The following TMEM14B variants were observed in gnomAD, a reference collection of about 807,000 sequenced individuals.
TMEM14B encodes the protein transmembrane protein 14B.
A neutral mutation model predicts 14.8 loss-of-function variants in TMEM14B; 9 were observed. That is an observed-to-expected ratio of 0.61 (90% CI 0.37 to 1.06). The LOEUF is 1.06. Ranked by LOEUF, TMEM14B falls within the 50% of genes least tolerant of loss-of-function variation. The probability of loss-of-function intolerance (pLI) is 0.01; values close to 1 mark genes in which losing one functional copy is unlikely to be tolerated. For synonymous variants in TMEM14B, 40 were observed against 51.3 expected (o/e 0.78, Z 0.94); for missense variants, 128 against 143.6 (o/e 0.89, Z 0.56).
At chr6:10,749,722 C>A in intron 3 of TMEM14B, 24 bp downstream of exon 3, 1 of 1,612,496 alleles carries the variant, frequency 6.2e-7, no homozygotes, top group Non-Finnish European at 8.5e-7. Flanking sequence ...GTTACTTAGC[C>A]TCTTAACATC....
chr6:10,751,089 A>ACTAATGTAATGT (rs1165104337), intron 3 of TMEM14B, 44 bp from the exon 4 acceptor site: 76 of 1,609,834 alleles, frequency 4.7e-5, no homozygotes, highest in Non-Finnish European at 6.2e-5. Flanking sequence ...TTAGTGAAAT[A>ACTAATGTAATGT]AGTGCCTGAC....
chr6:10,752,155 C>T (rs796244390), intron 4 of TMEM14B, among the ~76,000 whole-genome samples: 3 of 152,140 alleles, frequency 2.0e-5, no homozygotes, highest in African/African-American at 7.2e-5. Context: ...CTTGAGCCTG[C>T]ATTTTCCCTT....
downstream of TMEM14B, among the ~76,000 whole-genome samples, chr6:10,757,947 C>T (rs577705350): frequency 2.5e-4 from 38 of 151,186 alleles, no homozygotes; most frequent in Admixed American, 1.6e-3. Flanking sequence ...GCCGAGATCA[C>T]GCCACTGCAC....
rs114919154 is a variant in TMEM14B, at chr6:10,748,568, A to G, written c.-44-634A>G. Among the ~76,000 whole-genome samples, 895 of 152,328 alleles carry G rather than the reference A, an allele frequency of 5.9e-3. 9 individuals carry two copies. Among genetic ancestry groups the G allele is most frequent in the African/African-American group, 0.021 (858 of 41,588 alleles). The stretch of plus-strand genomic sequence containing the variant: ...TTGCCTGGCCTAATTCTTTAAACAG[A>G]ATAAACGGCGTATGCATTGCTTTCC... On this transcript the variant is annotated intron_variant, in intron 1 of 5. Coordinates refer to ENST00000379542, the MANE Select transcript of TMEM14B (RefSeq NM_030969.5).
intron 5 of TMEM14B, chr6:10,755,765 G>A: frequency 1.5e-6 from 1 of 677,242 alleles, no homozygotes. Flanking sequence ...GACCAGCCTG[G>A]CCAACATGGT....
rs748535386 is a variant in TMEM14B, at chr6:10,751,112, G to A, written c.101-21G>A. The stretch of plus-strand genomic sequence containing the variant: ...ATAAGTGCCTGACATTACAATGCAA[G>A]CTGCGTTTGCTTCCTTCTAGGCAGC... On this transcript the variant is annotated intron_variant, in intron 3 of 5. Coordinates refer to ENST00000379542, the MANE Select transcript of TMEM14B (RefSeq NM_030969.5). 80 of 1,612,516 alleles carry A rather than the reference G, an allele frequency of 5.0e-5. 1 individual carries two copies. The highest frequency in any genetic ancestry group is 2.8e-4 in the Admixed American group (17 of 59,926).
At chr6:10,759,636 G>T (rs1276235895), downstream of TMEM14B, 2 of 152,128 alleles carry the variant, frequency 1.3e-5, no homozygotes, top group East Asian at 1.9e-4. Flanking sequence ...TCTGTAAAGG[G>T]CCAGATAGTG....
In TMEM14B at chr6:10,749,255, C is replaced by G; in HGVS notation, c.10C>G (p.Pro4Ala). ...GACTGAGAAGAGAAGAATGGAGAAG[C>G]CCCTCTTCCCATTGTGAGTAGACAG... Reference protein sequence around the residue: MEKPLFPLVPLHWF... With the variant: MEKALFPLVPLHWF... Residue 4 changes from proline to alanine, a missense_variant, in exon 2 of 6, where the codon CCC becomes GCC. Transcript: ENST00000379542. 6.2e-7 allele frequency: 1 copy of G among 1,614,168 alleles called. No individual in the cohort carries two copies. The highest frequency in any genetic ancestry group is 8.5e-7 in the Non-Finnish European group (1 of 1,180,008).
downstream of TMEM14B, among the ~76,000 whole-genome samples, chr6:10,758,748 G>A (rs978187203): frequency 6.6e-6 from 1 of 152,090 alleles, no homozygotes. Flanking sequence ...CTTGTCAGTT[G>A]ATGCATGAAT....
downstream of TMEM14B, among the ~76,000 whole-genome samples, chr6:10,758,027 C>G (rs1771864806): frequency 6.6e-6 from 1 of 152,036 alleles, no homozygotes; most frequent in Non-Finnish European, 1.5e-5. Context: ...CTGATTTACC[C>G]TAACTGATAC....
At chr6:10,748,453 A>G (rs1771415468) in intron 1 of TMEM14B, among the ~76,000 whole-genome samples, 1 of 152,094 alleles carries the variant, frequency 6.6e-6, no homozygotes, top group South Asian at 2.1e-4. Context: ...GGGTTTCACC[A>G]TGTTGACCAA....
intron 4 of TMEM14B, among the ~76,000 whole-genome samples, chr6:10,753,217 CAA>C (rs2127495771): frequency 6.6e-6 from 1 of 152,192 alleles, no homozygotes; most frequent in African/African-American, 2.4e-5. Flanking sequence ...GCCTGGGCAA[CAA>C]GAGCGAAACT....
chr6:10,755,036 C>A, intron 4 of TMEM14B, 106 bp from the exon 5 acceptor site: 1 of 1,199,178 alleles, frequency 8.3e-7, no homozygotes, highest in South Asian at 1.4e-5. Context: ...GAGGAATAAG[C>A]ATAGGATGAG....
chr6:10,751,333 T>A, intron 4 of TMEM14B, 99 bp downstream of exon 4: 2 of 1,350,778 alleles, frequency 1.5e-6, no homozygotes, highest in Non-Finnish European at 2.1e-6. Context: ...TCTTCCCACT[T>A]AATTTACGAC....
At position 10,751,238 on chromosome 6, in the gene TMEM14B, T is replaced by C; in HGVS notation, c.202+4T>C. On this transcript the variant is annotated splice_donor_region_variant and intron_variant, in intron 4 of 5. Coordinates refer to ENST00000379542, the MANE Select transcript of TMEM14B (RefSeq NM_030969.5). ...AGGAACGTTTGGGGTTTCCTAGGTA[T>C]GTCTGCTTCAGCGTCTCCTTAGGGC... is the stretch of plus-strand genomic sequence containing the variant. The C allele has an allele frequency of 6.2e-7, 1 of 1,613,646 alleles. No individual in the cohort carries two copies. Among genetic ancestry groups the C allele is most frequent in the Non-Finnish European group, 8.5e-7 (1 of 1,179,838 alleles).
intron 5 of TMEM14B, 116 bp downstream of exon 5, chr6:10,755,348 C>T (rs775662743): frequency 1.8e-5 from 28 of 1,564,436 alleles, no homozygotes; most frequent in Admixed American, 7.6e-5. Context: ...CATCAACTGA[C>T]GTTTGACTTA....
At chr6:10,755,612 G>T in intron 5 of TMEM14B, 1 of 1,230,970 alleles carries the variant, frequency 8.1e-7, no homozygotes, top group Non-Finnish European at 1.0e-6. Context: ...ATTGAATCCT[G>T]TTTTCTAATT....
At chr6:10,757,101 G>A, downstream of TMEM14B, 3 of 645,322 alleles carry the variant, frequency 4.6e-6, no homozygotes, top group Non-Finnish European at 3.9e-6. Flanking sequence ...AGTAATTTAA[G>A]GACCAAGGAA....
chr6:10,757,034 T>A (rs1771832850), downstream of TMEM14B: 2 of 954,240 alleles, frequency 2.1e-6, no homozygotes, highest in Non-Finnish European at 2.5e-6. Context: ...GAATGAGATG[T>A]TGCTAGATAT....
Sources: allele counts gnomAD v4.1 joint callset (sites outside exome capture counted in the v4.1 genomes callset), GRCh38; gene constraint gnomAD v4.1.1; transcripts MANE v1.5; gene names NCBI Gene and HGNC (gene_info 2026-07-23, HGNC 2026-07-21).